Variants in CSMD1 observed in about 807,000 individuals in gnomAD.
The protein encoded by CSMD1 is CUB and Sushi multiple domains 1.
A neutral mutation model predicts 417.5 loss-of-function variants in CSMD1; 213 were observed. The ratio of observed to expected loss-of-function variants is 0.51; its 90% CI spans 0.46 to 0.57. The LOEUF (loss-of-function observed/expected upper bound fraction) is 0.57, where lower values mean the gene tolerates loss of function less well. Among genes scored for constraint, CSMD1 ranks in the 20% least tolerant of loss-of-function variants. The probability of loss-of-function intolerance (pLI) is 0.00; values close to 1 mark genes in which losing one functional copy is unlikely to be tolerated. For synonymous variants in CSMD1, 2,862 were observed against 1,736.8 expected, an observed-to-expected ratio of 1.65 and a Z score of -16.11; for missense variants, 6,923 against 4,529.7, an observed-to-expected ratio of 1.53 and a Z score of -15.17.
At chr8:3,776,691 T>C (rs1002957590) in intron 5 of CSMD1, among the ~76,000 whole-genome samples, 1 of 151,950 alleles carries the variant, frequency 6.6e-6, no homozygotes, top group Non-Finnish European at 1.5e-5. Flanking sequence ...CCTGATTTCA[T>C]ACAGATGGCT....
chr8:4,448,135 A>C (rs936119664), intron 2 of CSMD1, among the ~76,000 whole-genome samples: 1 of 152,194 alleles, frequency 6.6e-6, no homozygotes, highest in Non-Finnish European at 1.5e-5. Flanking sequence ...CACTTTTACC[A>C]ATGTGTATCG....
At chr8:4,341,214 C>T (rs1800458241) in intron 3 of CSMD1, among the ~76,000 whole-genome samples, 1 of 151,988 alleles carries the variant, frequency 6.6e-6, no homozygotes, top group African/African-American at 2.4e-5. Flanking sequence ...GGCAAGTTTC[C>T]ATGGTACTAG....
intron 7 of CSMD1, among the ~76,000 whole-genome samples, chr8:3,648,677 C>A (rs1181179860): frequency 6.6e-6 from 1 of 152,160 alleles, no homozygotes; most frequent in East Asian, 1.9e-4. Flanking sequence ...TACGGCTATA[C>A]CAAATCCTAT....
chr8:3,390,444 C>G (rs906661806), intron 17 of CSMD1, among the ~76,000 whole-genome samples: 1 of 149,200 alleles, frequency 6.7e-6, no homozygotes, highest in Non-Finnish European at 1.5e-5. Context: ...TAAGACCAGT[C>G]TGTGGACACA....
At chr8:4,190,715 A>T (rs1171339878) in intron 3 of CSMD1, among the ~76,000 whole-genome samples, 1 of 152,158 alleles carries the variant, frequency 6.6e-6, no homozygotes, top group Non-Finnish European at 1.5e-5. Context: ...ATTTTACAGA[A>T]AATCATCTGA....
At chr8:3,423,764 G>C (rs961868521) in intron 12 of CSMD1, among the ~76,000 whole-genome samples, 1 of 152,188 alleles carries the variant, frequency 6.6e-6, no homozygotes, top group Non-Finnish European at 1.5e-5. Context: ...GGGTGGAATT[G>C]TTGGATCACA....
At chr8:4,305,160 T>C (rs185128376) in intron 3 of CSMD1, among the ~76,000 whole-genome samples, 7 of 152,358 alleles carry the variant, frequency 4.6e-5, no homozygotes, top group East Asian at 1.9e-4. Flanking sequence ...TTTTGAAAGA[T>C]AGTTTTTAAC....
intron 3 of CSMD1, among the ~76,000 whole-genome samples, chr8:4,307,368 G>C (rs1406092587): frequency 6.6e-6 from 1 of 152,104 alleles, no homozygotes; most frequent in Admixed American, 6.5e-5. Context: ...AGAGGTGGTG[G>C]AGCACAGCTT....
At chr8:3,872,787 C>G (rs150118044) in intron 5 of CSMD1, among the ~76,000 whole-genome samples, 13 of 150,714 alleles carry the variant, frequency 8.6e-5, no homozygotes, top group African/African-American at 2.0e-4. Flanking sequence ...CGACAAAGAT[C>G]TAATATCCAG....
chr8:4,145,926 TTGTTTGTAAGAC>T (rs1804085969), intron 3 of CSMD1, among the ~76,000 whole-genome samples: 1 of 150,934 alleles, frequency 6.6e-6, no homozygotes, highest in Non-Finnish European at 1.5e-5. Context: ...ATTGGCCCCA[TTGTTTGTAAGAC>T]TGACCACGCT....
At chr8:3,500,580 G>C (rs1796558910) in intron 10 of CSMD1, among the ~76,000 whole-genome samples, 1 of 152,052 alleles carries the variant, frequency 6.6e-6, no homozygotes, top group Non-Finnish European at 1.5e-5. Context: ...AAATGACAAA[G>C]AAAAAAGAAT....
intron 5 of CSMD1, among the ~76,000 whole-genome samples, chr8:3,782,610 C>A (rs932190612): frequency 3.3e-5 from 5 of 152,096 alleles, no homozygotes; most frequent in Non-Finnish European, 5.9e-5. Flanking sequence ...CAAACCTGCA[C>A]GTTGTGCACA....
intron 1 of CSMD1, among the ~76,000 whole-genome samples, chr8:4,658,465 G>A (rs117489421): frequency 0.012 from 1,836 of 152,038 alleles, 43 homozygotes; most frequent in East Asian, 0.1. Flanking sequence ...AAGCAGTGAC[G>A]CAAAAAAGCA....
At chr8:4,025,372 G>T (rs1172101513) in intron 4 of CSMD1, among the ~76,000 whole-genome samples, 3 of 152,096 alleles carry the variant, frequency 2.0e-5, no homozygotes, top group Non-Finnish European at 4.4e-5. Context: ...TTCCCTGTAG[G>T]ACCCTAGATC....
intron 1 of CSMD1, among the ~76,000 whole-genome samples, chr8:4,720,937 A>G (rs567041308): frequency 1.3e-5 from 2 of 152,250 alleles, no homozygotes; most frequent in South Asian, 4.1e-4. Flanking sequence ...TGAATCTACA[A>G]TTCACCAGCT....
At chr8:4,250,140 T>C (rs762925953) in intron 3 of CSMD1, among the ~76,000 whole-genome samples, 19 of 152,144 alleles carry the variant, frequency 1.2e-4, no homozygotes, top group Non-Finnish European at 2.8e-4. Context: ...AGTGACTTCA[T>C]TTTGAGCTTC....
At chr8:4,993,660 A>C (rs1811600040) in intron 1 of CSMD1, among the ~76,000 whole-genome samples, 2 of 152,158 alleles carry the variant, frequency 1.3e-5, no homozygotes, top group African/African-American at 4.8e-5. Context: ...GCCGGTCCAG[A>C]ACTCCTAGCC....
chr8:4,087,177 A>G (rs1800464716), intron 3 of CSMD1, among the ~76,000 whole-genome samples: 1 of 152,118 alleles, frequency 6.6e-6, no homozygotes, highest in African/African-American at 2.4e-5. Flanking sequence ...ACCTCCTTTC[A>G]GGGCATCTCA....
intron 54 of CSMD1, among the ~76,000 whole-genome samples, chr8:2,993,547 G>A (rs1806598302): frequency 6.6e-6 from 1 of 152,146 alleles, no homozygotes; most frequent in Non-Finnish European, 1.5e-5. Flanking sequence ...TAGGAAGTCG[G>A]CTTCCAATTA....
Sources: allele counts gnomAD v4.1 joint callset (sites outside exome capture counted in the v4.1 genomes callset), GRCh38; gene constraint gnomAD v4.1.1; transcripts MANE v1.5; gene names NCBI Gene and HGNC (gene_info 2026-07-23, HGNC 2026-07-21).